SYTL5: variants seen among roughly 807,000 people sequenced by gnomAD.
SYTL5 encodes synaptotagmin like 5.
A neutral mutation model predicts 55.9 loss-of-function variants in SYTL5; 34 were observed. The observed-to-expected ratio is 0.61, with a 90% confidence interval of 0.46 to 0.81. SYTL5 has a LOEUF of 0.81. Among genes scored for constraint, SYTL5 ranks in the 30% least tolerant of loss-of-function variants. The pLI, the probability that SYTL5 is intolerant of heterozygous loss-of-function variation, is 0.00. For missense variants in SYTL5, 637 were observed against 546.7 expected (o/e 1.17, Z -1.65); for synonymous variants, 221 against 188.7 (o/e 1.17, Z -1.40).
At chrX:37,993,359 C>T in the SYTL5 span, among the ~76,000 whole-genome samples, 1 of 112,067 alleles carries the variant, frequency 8.9e-6, no homozygotes, top group African/African-American at 3.2e-5. Context: ...TTTGGAGTCA[C>T]CTAGATGAGG....
At chrX:37,891,423 G>A in the SYTL5 span, among the ~76,000 whole-genome samples, 1 of 111,957 alleles carries the variant, frequency 8.9e-6, no homozygotes, top group Non-Finnish European at 1.9e-5. Context: ...GTCCAGAATA[G>A]GCAACTCGGT....
the SYTL5 span, among the ~76,000 whole-genome samples, chrX:37,891,937 G>T: frequency 8.1e-5 from 9 of 111,530 alleles, no homozygotes; most frequent in Non-Finnish European, 1.5e-4. Context: ...GCCCCAAATT[G>T]TTCATCTCCT....
the SYTL5 span, among the ~76,000 whole-genome samples, chrX:37,933,390 T>G: frequency 9.0e-6 from 1 of 110,967 alleles, no homozygotes; most frequent in African/African-American, 3.3e-5. Context: ...AAAAAACCAA[T>G]AGCCTACAAT....
At chrX:38,087,222 G>T (rs1001927825) in intron 6 of SYTL5, among the ~76,000 whole-genome samples, 2 of 111,556 alleles carry the variant, frequency 1.8e-5, no homozygotes, top group Non-Finnish European at 3.8e-5. Context: ...ACCTGAAACA[G>T]TAGGGAGACA....
At chrX:37,969,496 G>A in the SYTL5 span, among the ~76,000 whole-genome samples, 1 of 111,475 alleles carries the variant, frequency 9.0e-6, no homozygotes. Flanking sequence ...AGATATAACA[G>A]GCATGCAGAA....
chrX:38,070,158 T>A (rs953942886), intron 3 of SYTL5, among the ~76,000 whole-genome samples: 2 of 111,844 alleles, frequency 1.8e-5, no homozygotes, highest in East Asian at 5.6e-4. Context: ...TTGCCTCAGA[T>A]TCCGAAGCAG....
chrX:38,022,126 A>G (rs1285888764), intron 1 of SYTL5, among the ~76,000 whole-genome samples: 2 of 112,701 alleles, frequency 1.8e-5, no homozygotes, highest in Non-Finnish European at 3.7e-5. Flanking sequence ...TCAAATTACT[A>G]TAAAAATTTC....
the SYTL5 span, among the ~76,000 whole-genome samples, chrX:37,942,462 G>A: frequency 9.0e-6 from 1 of 111,639 alleles, no homozygotes; most frequent in Non-Finnish European, 1.9e-5. Context: ...GTGGGAGGAT[G>A]TTCAAATCAA....
At chrX:38,054,660 T>C (rs1413129323) in intron 3 of SYTL5, among the ~76,000 whole-genome samples, 1 of 107,181 alleles carries the variant, frequency 9.3e-6, no homozygotes, top group Non-Finnish European at 1.9e-5. Flanking sequence ...GAAAGAATAT[T>C]TTTTTAAAAA....
intron 6 of SYTL5, among the ~76,000 whole-genome samples, chrX:38,079,610 C>A (rs1936476318): frequency 8.9e-6 from 1 of 111,781 alleles, no homozygotes; most frequent in African/African-American, 3.3e-5. Flanking sequence ...AGAAACAGAC[C>A]CCTAGACAAG....
chrX:38,059,827 C>G (rs186515124), intron 3 of SYTL5, among the ~76,000 whole-genome samples: 172 of 111,308 alleles, frequency 1.5e-3, no homozygotes, highest in Middle Eastern at 0.014. Flanking sequence ...TTTGCTAGTC[C>G]TCAACTATGG....
the SYTL5 span, among the ~76,000 whole-genome samples, chrX:37,969,644 G>A: frequency 8.4e-4 from 93 of 111,250 alleles, no homozygotes; most frequent in South Asian, 1.1e-3. Context: ...AGGCCTTTCC[G>A]TTTTTTTTGA....
intron 5 of SYTL5, among the ~76,000 whole-genome samples, chrX:38,075,838 A>G (rs1243912844): frequency 1.8e-5 from 2 of 111,877 alleles, no homozygotes; most frequent in Non-Finnish European, 3.8e-5. Flanking sequence ...CATTACAAAA[A>G]GGAATATAGC....
chrX:38,109,225 C>T (rs950940841), intron 12 of SYTL5, among the ~76,000 whole-genome samples: 1 of 112,089 alleles, frequency 8.9e-6, no homozygotes, highest in Non-Finnish European at 1.9e-5. Context: ...TAAAATATGG[C>T]CCAATCCAGG....
intron 2 of SYTL5, among the ~76,000 whole-genome samples, chrX:38,051,366 C>T (rs1160254422): frequency 9.0e-6 from 1 of 111,263 alleles, no homozygotes; most frequent in Non-Finnish European, 1.9e-5. Flanking sequence ...ATTGATTATT[C>T]CATGGAGAGT....
At chrX:38,027,385 A>G (rs1243488966) in intron 1 of SYTL5, among the ~76,000 whole-genome samples, 2 of 111,804 alleles carry the variant, frequency 1.8e-5, no homozygotes, top group Non-Finnish European at 3.8e-5. Context: ...ATAATATTGA[A>G]CCATATTTTT....
At chrX:37,933,379 A>C in the SYTL5 span, among the ~76,000 whole-genome samples, 1 of 111,384 alleles carries the variant, frequency 9.0e-6, no homozygotes, top group Non-Finnish European at 1.9e-5. Flanking sequence ...TGGTAGCCTT[A>C]AAAAAACCAA....
the SYTL5 span, among the ~76,000 whole-genome samples, chrX:37,901,817 G>A: frequency 9.0e-6 from 1 of 111,610 alleles, no homozygotes; most frequent in Admixed American, 9.6e-5. Flanking sequence ...TCAACAGGTT[G>A]CTTGATAAGT....
chrX:38,089,717 C>T, intron 7 of SYTL5, 130 bp downstream of exon 7: 1 of 703,947 alleles, frequency 1.4e-6, no homozygotes, highest in Non-Finnish European at 2.0e-6. Context: ...CTGCAGAGAC[C>T]TCAGGAAACT....
Sources: allele counts gnomAD v4.1 joint callset (sites outside exome capture counted in the v4.1 genomes callset), GRCh38; gene constraint gnomAD v4.1.1; transcripts MANE v1.5; gene names NCBI Gene and HGNC (gene_info 2026-07-23, HGNC 2026-07-21).